Variants in ZNF43 observed in about 807,000 individuals in gnomAD.
ZNF43 encodes the protein zinc finger protein 43.
ZNF43 carries 44 observed loss-of-function variants against 68.4 expected under a neutral mutation model. The ratio of observed to expected loss-of-function variants is 0.64; its 90% CI spans 0.51 to 0.83. The LOEUF (loss-of-function observed/expected upper bound fraction) is 0.83. Among genes scored for constraint, ZNF43 ranks in the 40% least tolerant of loss-of-function variants. ZNF43 has a pLI of 0.00. For missense variants in ZNF43, 896 were observed against 933.2 expected, an observed-to-expected ratio of 0.96 and a Z score of 0.52; for synonymous variants, 308 against 307.8, an observed-to-expected ratio of 1.00 and a Z score of -0.01.
intron 1 of ZNF43, chr19:21,851,834 G>T: frequency 4.7e-6 from 7 of 1,490,510 alleles, no homozygotes; most frequent in Non-Finnish European, 5.4e-6. Flanking sequence ...GGAGCGGACT[G>T]TGAGGAGGCC....
chr19:21,836,070 G>C lies in ZNF43; in HGVS notation c.-32C>G. On this transcript the variant is annotated 5_prime_UTR_variant, in exon 1 of 4. Transcript: ENST00000354959. The stretch of plus-strand genomic sequence containing the variant: ...GCTTCCGGGGGGTCCTGGCGTCTTA[G>C]CTGTGGATCCCCCAATACCCGCAGG... 6.2e-7 allele frequency: 1 copy of C among 1,613,752 alleles called. No homozygotes were observed.
chr19:21,807,381 A>G lies in ZNF43; in HGVS notation c.*226T>C, dbSNP rs1479541207. ...ACTCTCTGATGTTGAGTAAGATATG[A>G]GCACATATTAATGGCTTTTCCACAT... is the stretch of plus-strand genomic sequence containing the variant. On this transcript the variant is annotated 3_prime_UTR_variant, in exon 4 of 4. Transcript: ENST00000354959. The G allele has an allele frequency of 4.9e-6, 2 of 407,602 alleles. No homozygotes were observed. The highest frequency in any genetic ancestry group is 4.0e-5 in the Admixed American group (1 of 24,964). 25.2% of individuals were successfully genotyped at this position (407,602 alleles called of 1,614,324 possible).
chr19:21,807,227 G>GT lies in ZNF43; in HGVS notation c.*379dup, dbSNP rs2036981502. ...AATAAGATCTGTGATGCAAGTAATGGTACTACAACCCTCTTAATATTTGTA... is the reference window on the plus strand; with the variant it reads ...AATAAGATCTGTGATGCAAGTAATGGTTACTACAACCCTCTTAATATTTGTA... On this transcript the variant is annotated 3_prime_UTR_variant, in exon 4 of 4. Coordinates refer to ENST00000354959, the MANE Select transcript of ZNF43 (RefSeq NM_003423.4). 6.2e-6 allele frequency: 1 copy of GT among 160,168 alleles called. No homozygotes were observed. Among genetic ancestry groups the GT allele is most frequent in the Non-Finnish European group, 1.4e-5 (1 of 73,186 alleles). 9.9% of individuals were successfully genotyped at this position (160,168 alleles called of 1,614,324 possible).
At chr19:21,842,882 C>T (rs1412628403) in intron 1 of ZNF43, among the ~76,000 whole-genome samples, 1 of 152,050 alleles carries the variant, frequency 6.6e-6, no homozygotes, top group Non-Finnish European at 1.5e-5. Flanking sequence ...AGTGATACGT[C>T]ACCCCCTCTT....
At chr19:21,839,314 T>C (rs1315669834), upstream of ZNF43, among the ~76,000 whole-genome samples, 4 of 114,118 alleles carry the variant, frequency 3.5e-5, no homozygotes, top group Non-Finnish European at 5.1e-5. Context: ...CAATACAAAA[T>C]GTATGCAGAG....
At chr19:21,818,219 C>G (rs2037624948) in intron 2 of ZNF43, among the ~76,000 whole-genome samples, 1 of 151,972 alleles carries the variant, frequency 6.6e-6, no homozygotes, top group South Asian at 2.1e-4. Flanking sequence ...TCCAATGCCT[C>G]AGTCTCCCAA....
chr19:21,810,321 G>A (rs1441761215), intron 3 of ZNF43, among the ~76,000 whole-genome samples: 1 of 152,182 alleles, frequency 6.6e-6, no homozygotes, highest in East Asian at 1.9e-4. Context: ...ATGGTAATAG[G>A]GAAAGTGTGA....
At chr19:21,840,504 G>A (rs1599538224), upstream of ZNF43, 1 of 152,240 alleles carries the variant, frequency 6.6e-6, no homozygotes, top group Non-Finnish European at 1.5e-5. Flanking sequence ...GCCGTGGACT[G>A]TGTCCCCTTA....
At chr19:21,835,418 C>A (rs920488351) in intron 1 of ZNF43, among the ~76,000 whole-genome samples, 3 of 135,538 alleles carry the variant, frequency 2.2e-5, no homozygotes, top group African/African-American at 8.4e-5. Context: ...AGTGCAATGG[C>A]GCGATCTCGG....
Position 21,836,182 on chromosome 19 carries a change from C to T in ZNF43, c.-144G>A. 6.6e-7 allele frequency: 1 copy of T among 1,513,670 alleles called. No homozygotes were observed. The highest frequency in any genetic ancestry group is 8.9e-7 in the Non-Finnish European group (1 of 1,127,770). The allele number at this position is 1,513,670 out of a possible 1,614,324, so 93.8% of individuals were successfully genotyped here. A position where few individuals can be genotyped will look rare whatever the true frequency, so the allele number is the denominator to read the frequency against. On this transcript the variant is annotated 5_prime_UTR_variant, in exon 1 of 4. Transcript: ENST00000354959. The stretch of plus-strand genomic sequence containing the variant: ...GCAGAGCTCCAACTGCAGCCAGAGA[C>T]AAAGGCCCCGCCACATCCCGGAAGC...
At chr19:21,815,170 C>T (rs2037460631) in intron 3 of ZNF43, among the ~76,000 whole-genome samples, 1 of 146,420 alleles carries the variant, frequency 6.8e-6, no homozygotes, top group African/African-American at 2.5e-5. Context: ...GCCTGGGCAA[C>T]GAGAGCAAAA....
At chr19:21,821,128 C>A (rs1041929454) in intron 1 of ZNF43, among the ~76,000 whole-genome samples, 2 of 149,810 alleles carry the variant, frequency 1.3e-5, no homozygotes, top group East Asian at 3.9e-4. Context: ...AGCCACCACA[C>A]CCGGCTGTAA....
At chr19:21,842,574 C>A (rs532261335) in intron 1 of ZNF43, among the ~76,000 whole-genome samples, 69 of 151,976 alleles carry the variant, frequency 4.5e-4, no homozygotes, top group African/African-American at 1.6e-3. Flanking sequence ...TAAGAGAGGG[C>A]TCCAGAGATA....
chr19:21,819,945 T>G (rs1431341548), intron 1 of ZNF43, among the ~76,000 whole-genome samples: 1 of 152,004 alleles, frequency 6.6e-6, no homozygotes, highest in Non-Finnish European at 1.5e-5. Context: ...ACACCTGTAA[T>G]CCTAGCACTT....
At chr19:21,812,249 C>T (rs2037312691) in intron 3 of ZNF43, among the ~76,000 whole-genome samples, 1 of 152,152 alleles carries the variant, frequency 6.6e-6, no homozygotes, top group African/African-American at 2.4e-5. Flanking sequence ...GTCTCGGCCT[C>T]CCGAGTAGCT....
chr19:21,819,635 A>T (rs1355323234), intron 1 of ZNF43, among the ~76,000 whole-genome samples: 3 of 152,190 alleles, frequency 2.0e-5, no homozygotes, highest in African/African-American at 7.2e-5. Context: ...GTTAATGAAG[A>T]TTATTTTTTC....
At position 21,808,530 on chromosome 19, in the gene ZNF43, T is replaced by C. The variant is rs2037086458; in HGVS notation, c.1507A>G (p.Ile503Val). ...RSSNLTKHKKIHIEKKPYKCE... is the reference protein window; with the variant it reads ...RSSNLTKHKKVHIEKKPYKCE... ...TTGTAGGGTTTCTTTTCAATGTGAA[T>C]TTTCTTATGTTTAGTAAGGTTTGAG... The change falls in exon 4 of 4, where the codon ATT becomes GTT. Residue 503 changes from isoleucine (I) to valine (V), a missense_variant. Transcript: ENST00000354959. 1 of 1,613,002 alleles carries C rather than the reference T, an allele frequency of 6.2e-7. No homozygotes were observed. Among genetic ancestry groups the C allele is most frequent in the African/African-American group, 1.3e-5 (1 of 74,720 alleles).
At chr19:21,849,383 G>A (rs1411512359) in intron 1 of ZNF43, among the ~76,000 whole-genome samples, 3 of 150,134 alleles carry the variant, frequency 2.0e-5, no homozygotes, top group African/African-American at 7.4e-5. Context: ...AGCTACTCAG[G>A]AGACTGAGGC....
chr19:21,847,252 T>C (rs916764542), intron 1 of ZNF43, among the ~76,000 whole-genome samples: 1 of 152,170 alleles, frequency 6.6e-6, no homozygotes, highest in Non-Finnish European at 1.5e-5. Context: ...CAATGCTCCC[T>C]GTGGGAAGGG....
Sources: allele counts gnomAD v4.1 joint callset (sites outside exome capture counted in the v4.1 genomes callset), GRCh38; gene constraint gnomAD v4.1.1; transcripts MANE v1.5; gene names NCBI Gene and HGNC (gene_info 2026-07-23, HGNC 2026-07-21).